The following MYH8 variants were observed in gnomAD, a reference collection of about 807,000 sequenced individuals.
The protein encoded by MYH8 is myosin-8.
MYH8 carries 168 observed loss-of-function variants against 233.2 expected under a neutral mutation model. That is an observed-to-expected ratio of 0.72 (90% CI 0.64 to 0.82). The LOEUF (loss-of-function observed/expected upper bound fraction) is 0.82. Ranked by LOEUF, MYH8 falls within the 40% of genes least tolerant of loss-of-function variation. MYH8 has a pLI of 0.00. For missense variants in MYH8, 1,995 were observed against 2,327.8 expected (o/e 0.86, Z 2.94); for synonymous variants, 785 against 850.6 (o/e 0.92, Z 1.34).
At position 10,391,900 on chromosome 17, in the gene MYH8, C is replaced by T. The variant is rs772047425; in HGVS notation, c.5646G>A (p.Lys1882=). 5 of 1,613,910 alleles carry T rather than the reference C, an allele frequency of 3.1e-6. No homozygotes were observed. The highest frequency in any genetic ancestry group is 4.2e-6 in the Non-Finnish European group (5 of 1,179,900). Reference sequence around the variant, plus strand: ...TACTTACAGCCTCCTCAGCTTGTCTCTTGTATGATTTCACCTTCGCCTGTA... The same window carrying T: ...TACTTACAGCCTCCTCAGCTTGTCTTTTGTATGATTTCACCTTCGCCTGTA... ...DKLQAKVKSY[K]RQAEEAEEQS... Residue 1882 remains lysine, a synonymous_variant, in exon 39 of 40, where the codon AAG becomes AAA. Transcript: ENST00000403437.
Position 10,409,637 on chromosome 17 carries a change from A to G in MYH8, c.1588-49T>C, listed in dbSNP as rs1432836904. On this transcript the variant is annotated intron_variant, in intron 15 of 39. Transcript: ENST00000403437. ...GTGTCAACCTAACTTCTCTCAAAAG[A>G]TAGAGACATGGTGGCTGTCATTTGA... 6 of 1,606,980 alleles carry G rather than the reference A, an allele frequency of 3.7e-6. No homozygotes were observed. The South Asian group carries it at 6.6e-5, about 18-fold the overall frequency.
At position 10,400,401 on chromosome 17, in the gene MYH8, A is replaced by G; in HGVS notation, c.3724T>C (p.Ser1242Pro). Residue 1242 changes from serine (S) to proline (P), a missense_variant, in exon 27 of 40, where the codon TCC (serine) becomes CCC (proline). Physicochemically the swap from Ser to Pro is moderately conservative, Grantham distance 74. This residue lies in a region of MYH8 where 1,498 missense variants were observed against 1,680.9 expected (regional missense o/e 0.89). Transcript: ENST00000403437. The surrounding 1 kb of genome is among the most constrained non-coding windows in gnomAD (Gnocchi z 4.0). ...DDLSSNAEAI[S>P]KAKGNLEKMC... ...ACAGTATTGGGTACCTTGGCTTTGG[A>G]AATGGCCTCTGCGTTACTGCTGAGG... 1.2e-6 allele frequency: 2 copies of G among 1,613,226 alleles called. No individual in the cohort carries two copies. Among genetic ancestry groups the G allele is most frequent in the Non-Finnish European group, 1.7e-6 (2 of 1,179,908 alleles).
chr17:10,397,261 A>T (rs1477253085), intron 30 of MYH8, among the ~76,000 whole-genome samples: 4 of 151,012 alleles, frequency 2.6e-5, no homozygotes, highest in Non-Finnish European at 4.4e-5. Context: ...ATATATGTAT[A>T]TTTTTTTTTA....
intron 35 of MYH8, 138 bp from the exon 36 acceptor site, chr17:10,393,348 A>G: frequency 8.0e-7 from 1 of 1,244,164 alleles, no homozygotes; most frequent in Non-Finnish European, 1.2e-6. Flanking sequence ...TCAGTGGAAA[A>G]TGTTAATTAT....
rs1270241148 is a variant in MYH8, at chr17:10,404,211, G to T, written c.2688+119C>A. ...CATAGAATACTAAAAGATAAATGAGGTATTAAAAACAGCAACTTGAGATTT... is the reference window on the plus strand; with the variant it reads ...CATAGAATACTAAAAGATAAATGAGTTATTAAAAACAGCAACTTGAGATTT... On this transcript the variant is annotated intron_variant, in intron 22 of 39. Transcript: ENST00000403437. 4.2e-6 allele frequency: 5 copies of T among 1,203,886 alleles called. No individual in the cohort carries two copies. In the Admixed American group the frequency reaches 6.3e-5, roughly 15 times the overall value. The allele number at this position is 1,203,886 out of a possible 1,614,324, so 74.6% of individuals were successfully genotyped here. A position where few individuals can be genotyped will look rare whatever the true frequency, so the allele number is the denominator to read the frequency against.
chr17:10,407,121 T>C (rs1481365426), intron 17 of MYH8, 142 bp from the exon 18 acceptor site: 3 of 722,694 alleles, frequency 4.2e-6, no homozygotes, highest in Non-Finnish European at 7.2e-6. Flanking sequence ...TTTGAGGGTC[T>C]CAAGAGTTCT....
chr17:10,397,404 T>C (rs1313445481), intron 30 of MYH8, among the ~76,000 whole-genome samples: 1 of 152,178 alleles, frequency 6.6e-6, no homozygotes, highest in Non-Finnish European at 1.5e-5. Context: ...ACGGTCCTGT[T>C]TCTATACTGG....
In MYH8 at chr17:10,412,845, A is replaced by G. The variant is rs1188259953; in HGVS notation, c.1148-117T>C. 7 of 1,051,540 alleles carry G rather than the reference A, an allele frequency of 6.7e-6. No individual in the cohort carries two copies. The Admixed American group carries it at 1.2e-4, about 18-fold the overall frequency. 65.1% of individuals were successfully genotyped at this position (1,051,540 alleles called of 1,614,324 possible). On this transcript the variant is annotated intron_variant, in intron 12 of 39. Transcript: ENST00000403437. ...AAATAAAAAGCTTAAATAATTCTAT[A>G]AAAGGCCAAATGAGGTTTTCTAACC...
intron 17 of MYH8, 152 bp from the exon 18 acceptor site, chr17:10,407,131 T>C: frequency 4.3e-6 from 3 of 691,806 alleles, no homozygotes; most frequent in Non-Finnish European, 7.6e-6. Flanking sequence ...TCAAGAGTTC[T>C]AGCCTGCCAA....
In MYH8 at chr17:10,398,630, G is replaced by T; in HGVS notation, c.3992C>A (p.Ala1331Asp). The T allele has an allele frequency of 6.2e-7, 1 of 1,614,176 alleles. No individual in the cohort carries two copies. Reference sequence around the variant, plus strand: ...GGAGGACTGCAGGGCGTGTGCCAGGGCGTTCTTGGCCTGCAGAAGTAGCAG... The same window carrying T: ...GGAGGACTGCAGGGCGTGTGCCAGGTCGTTCTTGGCCTGCAGAAGTAGCAG... ...QLEEETKAKN[A>D]LAHALQSSRH... Residue 1331 changes from alanine to aspartate, a missense_variant, in exon 30 of 40, where the codon GCC (alanine) becomes GAC (aspartate). Ala to Asp is a moderately radical substitution (Grantham distance 126). Coordinates refer to ENST00000403437, the MANE Select transcript of MYH8 (RefSeq NM_002472.3).
chr17:10,409,372 C>G lies in MYH8; in HGVS notation c.1804G>C (p.Asp602His). 1.2e-6 allele frequency: 2 copies of G among 1,614,162 alleles called. No individual in the cohort carries two copies. The highest frequency in any genetic ancestry group is 2.2e-5 in the South Asian group (2 of 91,070). ...CCAACCACAGTATCATTCAGGGGGT[C>G]CTTATTTTTGTCCAGCCAGCCAGTA... ...NITGWLDKNK[D>H]PLNDTVVGLY... Residue 602 changes from aspartate (D) to histidine (H), a missense_variant, in exon 16 of 40, where the codon GAC (aspartate) becomes CAC (histidine). Around this residue, in one of 3 missense-constraint regions of MYH8, gnomAD observed 1,498 missense variants for 1,680.9 expected, o/e 0.89. Coordinates refer to ENST00000403437, the MANE Select transcript of MYH8 (RefSeq NM_002472.3).
chr17:10,393,019 T>G lies in MYH8; in HGVS notation c.5293-18A>C. The G allele has an allele frequency of 6.2e-7, 1 of 1,614,226 alleles. No homozygotes were observed. The highest frequency in any genetic ancestry group is 1.1e-5 in the South Asian group (1 of 91,084). The stretch of plus-strand genomic sequence containing the variant: ...ATGGCAGCCTATTTAGGAAATAAAT[T>G]AAGAAAGTAATGAAACTTGATGATA... On this transcript the variant is annotated intron_variant, in intron 36 of 39. Coordinates refer to ENST00000403437, the MANE Select transcript of MYH8 (RefSeq NM_002472.3).
At chr17:10,401,002 G>A (rs1382437820) in intron 25 of MYH8, 43 bp from the exon 26 acceptor site, 1 of 1,613,030 alleles carries the variant, frequency 6.2e-7, no homozygotes, top group Non-Finnish European at 8.5e-7. Context: ...CATGTGAATT[G>A]AAAGATGATA....
rs2072316885 is a variant in MYH8 at position 10,419,334 on chromosome 17, A to G, written c.211-304T>C. On this transcript the variant is annotated intron_variant, in intron 3 of 39. Transcript: ENST00000403437. The surrounding 1 kb of genome is among the most constrained non-coding windows in gnomAD (Gnocchi z 4.0). ...CAGCCTCCCAAAGTGCTGGGATTAC[A>G]GGCGTGAGCCACTGCGCCTGGCTAA... Among the ~76,000 whole-genome samples the G allele has an allele frequency of 2.0e-5, 3 of 152,224 alleles. No homozygotes were observed. The South Asian group carries it at 6.2e-4, about 32-fold the overall frequency.
chr17:10,403,326 A>G (rs1174652147), intron 22 of MYH8, among the ~76,000 whole-genome samples: 1 of 152,218 alleles, frequency 6.6e-6, no homozygotes, highest in Non-Finnish European at 1.5e-5. Flanking sequence ...AAGGATTCAA[A>G]TAAAAATCAA....
In MYH8 at chr17:10,415,489, C is replaced by A. The variant is rs766584008; in HGVS notation, c.631G>T (p.Glu211Ter). ...AGACCTACCTGCATTTTGCCAGATTCATCCTTCTTCTTCTCTCCAGTAACT... is the reference window on the plus strand; with the variant it reads ...AGACCTACCTGCATTTTGCCAGATTAATCCTTCTTCTTCTCTCCAGTAACT... Reference protein sequence around the residue: ...IAVTGEKKKDESGKMQGTLED... With the variant: ...IAVTGEKKKD The change falls in exon 7 of 40, where the codon GAA becomes TAA. Residue 211 changes from glutamate (E) to a stop codon, truncating the protein, a stop_gained. Coordinates refer to ENST00000403437, the MANE Select transcript of MYH8 (RefSeq NM_002472.3). LOFTEE classifies it high-confidence loss of function. This position sits in a 1 kb window ranked among gnomAD's most constrained non-coding sequence, Gnocchi z 4.1. The A allele has an allele frequency of 6.2e-7, 1 of 1,614,232 alleles. No homozygotes were observed. Among genetic ancestry groups the A allele is most frequent in the Admixed American group, 1.7e-5 (1 of 60,022 alleles).
chr17:10,408,235 G>C (rs181814271), intron 17 of MYH8, among the ~76,000 whole-genome samples: 1 of 151,880 alleles, frequency 6.6e-6, no homozygotes, highest in Non-Finnish European at 1.5e-5. Flanking sequence ...CACTGCGCCC[G>C]GCCAAGAAGG....
In MYH8 at chr17:10,415,526, A is replaced by G. The variant is rs748803728; in HGVS notation, c.594T>C (p.Phe198=). The part of the protein sequence containing the change: ...TVNTKRVIQY[F]ATIAVTGEKK... ...TCTCTCCAGTAACTGCAATTGTTGC[A>G]AAGTATTGGATGACACGCTTGGTGT... The change falls in exon 7 of 40, where the codon TTT becomes TTC. Residue 198 remains phenylalanine, a synonymous_variant. Transcript: ENST00000403437. The surrounding 1 kb of genome is among the most constrained non-coding windows in gnomAD (Gnocchi z 4.1). 2 of 1,614,256 alleles carry G rather than the reference A, an allele frequency of 1.2e-6. No individual in the cohort carries two copies. Among genetic ancestry groups the G allele is most frequent in the Non-Finnish European group, 1.7e-6 (2 of 1,180,044 alleles).
chr17:10,394,146 CATGTTT>C, intron 35 of MYH8, 97 bp downstream of exon 35: 1 of 1,437,852 alleles, frequency 7.0e-7, no homozygotes. Context: ...ATCCCCCATC[CATGTTT>C]ACATACACAT....
Sources: allele counts gnomAD v4.1 joint callset (sites outside exome capture counted in the v4.1 genomes callset), GRCh38; gene constraint gnomAD v4.1.1; regional missense constraint gnomAD v4.1.1; non-coding constraint Gnocchi (gnomAD v3.1); transcripts MANE v1.5; gene names NCBI Gene and HGNC (gene_info 2026-07-23, HGNC 2026-07-21).